The following AP2A2 variants were observed in gnomAD, a reference collection of about 807,000 sequenced individuals.
The protein encoded by AP2A2 is AP-2 complex subunit alpha-2.
In AP2A2, 32 loss-of-function variants were observed where a neutral mutation model predicts 104.2. The observed-to-expected ratio is 0.31, with a 90% CI of 0.23 to 0.41. The LOEUF (loss-of-function observed/expected upper bound fraction) is 0.41. AP2A2 is among the 10% of genes least tolerant of loss of function. The pLI is 1.00. For missense variants in AP2A2, 912 were observed against 1,261.0 expected (o/e 0.72, Z 4.19); for synonymous variants, 539 against 533.3 (o/e 1.01, Z -0.15).
chr11:999,803 CTTTTTT>C (rs71022992), intron 14 of AP2A2, among the ~76,000 whole-genome samples: 9 of 124,698 alleles, frequency 7.2e-5, no homozygotes, highest in African/African-American at 2.6e-4. Flanking sequence ...TTAGTTCTTT[CTTTTTT>C]TTTTTTTTTT....
chr11:1,008,248 G>A lies in AP2A2; in HGVS notation c.2420+113G>A, dbSNP rs116710679. ...TCCTGAGGGGACCCGGGGCGTGCGG[G>A]TGCTCACGGTGCATGGATGCGGCCT... On this transcript the variant is annotated intron_variant, in intron 18 of 21. Transcript: ENST00000448903. 4.1e-4 allele frequency: 563 copies of A among 1,386,802 alleles called. 3 individuals are homozygous for A. The African/African-American group carries it at 7.7e-3, about 19-fold the overall frequency. The allele number at this position is 1,386,802 out of a possible 1,614,324, so 85.9% of individuals were successfully genotyped here.
At chr11:999,788 T>C (rs1372055558) in intron 14 of AP2A2, among the ~76,000 whole-genome samples, 1 of 150,276 alleles carries the variant, frequency 6.7e-6, no homozygotes, top group Non-Finnish European at 1.5e-5. Context: ...GTAACATGCA[T>C]GATCTTAGTT....
rs1854707312 is a variant in AP2A2, at chr11:968,641, T to C, written c.137-1528T>C. Among the ~76,000 whole-genome samples the C allele has an allele frequency of 6.6e-6, 1 of 152,044 alleles. No homozygotes were observed. Among genetic ancestry groups the C allele is most frequent in the African/African-American group, 2.4e-5 (1 of 41,398 alleles). On this transcript the variant is annotated intron_variant, in intron 2 of 21. Transcript: ENST00000448903. The surrounding 1 kb of genome is among the most constrained non-coding windows in gnomAD (Gnocchi z 4.2). ...AGCGGGTGATGGAATCTGGGCTGGG[T>C]AGGAGACACGGTGCTGGGGCTTCCC...
At chr11:963,452 G>C (rs1278235806) in intron 2 of AP2A2, among the ~76,000 whole-genome samples, 1 of 151,936 alleles carries the variant, frequency 6.6e-6, no homozygotes. Flanking sequence ...AAAAAAACAA[G>C]GTACCGAGTT....
chr11:945,370 G>A (rs926213356), intron 1 of AP2A2, among the ~76,000 whole-genome samples: 6 of 152,072 alleles, frequency 3.9e-5, no homozygotes, highest in African/African-American at 9.7e-5. Flanking sequence ...AATCTCTCTC[G>A]TCACCCAGGC....
intron 1 of AP2A2, among the ~76,000 whole-genome samples, chr11:939,241 C>T (rs752785289): frequency 2.4e-3 from 326 of 133,146 alleles, no homozygotes; most frequent in Non-Finnish European, 3.5e-3. Context: ...CAGCAAGACT[C>T]TGTCTCAAAA....
At chr11:949,478 A>AT (rs1853963847) in intron 1 of AP2A2, among the ~76,000 whole-genome samples, 1 of 152,138 alleles carries the variant, frequency 6.6e-6, no homozygotes, top group South Asian at 2.1e-4. Context: ...GCAACAACGT[A>AT]TAAAAAGGAT....
chr11:957,279 T>G (rs1854268267), intron 1 of AP2A2, among the ~76,000 whole-genome samples: 1 of 152,222 alleles, frequency 6.6e-6, no homozygotes, highest in Non-Finnish European at 1.5e-5. Flanking sequence ...ATCTGGACGT[T>G]CCCCAAACCC....
At chr11:931,650 T>C (rs1031018412) in intron 1 of AP2A2, among the ~76,000 whole-genome samples, 2 of 152,074 alleles carry the variant, frequency 1.3e-5, no homozygotes, top group Non-Finnish European at 2.9e-5. Context: ...GGGAAACAGA[T>C]GGAGAGATGT....
At chr11:979,204 C>T (rs544245724) in intron 5 of AP2A2, among the ~76,000 whole-genome samples, 10 of 150,242 alleles carry the variant, frequency 6.7e-5, no homozygotes, top group Non-Finnish European at 1.0e-4. Flanking sequence ...CTGAGCTCCG[C>T]GCCTGTCAGC....
At chr11:965,492 C>T (rs1236644779) in intron 2 of AP2A2, among the ~76,000 whole-genome samples, 1 of 152,192 alleles carries the variant, frequency 6.6e-6, no homozygotes, top group Non-Finnish European at 1.5e-5. Context: ...GTGTGACCAT[C>T]TGATGTGTGG....
chr11:993,679 TC>T lies in AP2A2; in HGVS notation c.1551-66del, dbSNP rs144840661. 0.04 allele frequency: 44,555 copies of T among 1,110,960 alleles called. 1,971 individuals are homozygous for T. Among genetic ancestry groups the T allele is most frequent in the African/African-American group, 0.2 (12,653 of 63,772 alleles). 68.8% of individuals were successfully genotyped at this position (1,110,960 alleles called of 1,614,324 possible). A position where few individuals can be genotyped will look rare whatever the true frequency, so the allele number is the denominator to read the frequency against. On this transcript the variant is annotated intron_variant, in intron 12 of 21. Coordinates refer to ENST00000448903, the MANE Select transcript of AP2A2 (RefSeq NM_012305.4). The surrounding 1 kb of genome is among the most constrained non-coding windows in gnomAD (Gnocchi z 8.2). ...TGCAGGCCAGGGGGTCTCGCCGCCG[TC>T]CCCCCCCCGCGGGGGCGTGCTGCAG...
At position 972,145 on chromosome 11, in the gene AP2A2, C is replaced by T. The variant is rs1444419238; in HGVS notation, c.363C>T (p.Ala121=). The T allele has an allele frequency of 8.1e-6, 13 of 1,613,594 alleles. No individual in the cohort carries two copies. Among genetic ancestry groups the T allele is most frequent in the South Asian group, 1.1e-5 (1 of 91,038 alleles). ...LINNAIKNDL[A]SRNPTFMGLA... ...ACAACGCCATCAAGAATGACCTGGCCAGCCGCAACCCCACCTTCATGGGCC... is the reference window on the plus strand; with the variant it reads ...ACAACGCCATCAAGAATGACCTGGCTAGCCGCAACCCCACCTTCATGGGCC... Residue 121 remains alanine, a synonymous_variant, in exon 4 of 22, where the codon GCC becomes GCT. Coordinates refer to ENST00000448903, the MANE Select transcript of AP2A2 (RefSeq NM_012305.4).
At chr11:952,970 G>T (rs1465925400) in intron 1 of AP2A2, among the ~76,000 whole-genome samples, 1 of 152,206 alleles carries the variant, frequency 6.6e-6, no homozygotes, top group Non-Finnish European at 1.5e-5. Context: ...TCCTTTACAG[G>T]AGAGCCCCTG....
intron 17 of AP2A2, chr11:1,007,671 TTTCCTGCCCTAC>T (rs1214751862): frequency 8.5e-6 from 3 of 351,870 alleles, no homozygotes; most frequent in Non-Finnish European, 1.6e-5. Flanking sequence ...TTCTTAAAGT[TTTCCTGCCCTAC>T]TAAGCACCAG....
At chr11:966,262 G>A (rs1854614006) in intron 2 of AP2A2, among the ~76,000 whole-genome samples, 1 of 152,218 alleles carries the variant, frequency 6.6e-6, no homozygotes, top group Non-Finnish European at 1.5e-5. Context: ...GGAGGCCGAG[G>A]CAGGCAGATC....
In AP2A2 at chr11:993,732, T is replaced by C; in HGVS notation, c.1551-22T>C. ...CTGCGAGGGGACGACGGTGTCCCTG[T>C]GTTGTGCCTCCCCGTCCCCAGCCCG... On this transcript the variant is annotated intron_variant, in intron 12 of 21. Transcript: ENST00000448903. The surrounding 1 kb of genome is among the most constrained non-coding windows in gnomAD (Gnocchi z 8.2). The C allele has an allele frequency of 6.4e-7, 1 of 1,550,752 alleles. No homozygotes were observed. The highest frequency in any genetic ancestry group is 8.7e-7 in the Non-Finnish European group (1 of 1,146,040).
chr11:1,010,401 T>TCCAC, intron 21 of AP2A2, 147 bp from the exon 22 acceptor site: 2 of 635,910 alleles, frequency 3.1e-6, no homozygotes, highest in Non-Finnish European at 5.6e-6. Context: ...TGACAGTGTG[T>TCCAC]GTGGTGCTCA....
chr11:953,724 C>G lies in AP2A2; in HGVS notation c.68-5713C>G, dbSNP rs1174248859. Among the ~76,000 whole-genome samples, 6 of 152,118 alleles carry G rather than the reference C, an allele frequency of 3.9e-5. No homozygotes were observed. In the East Asian group the frequency reaches 1.2e-3, roughly 29 times the overall value. On this transcript the variant is annotated intron_variant, in intron 1 of 21. Coordinates refer to ENST00000448903, the MANE Select transcript of AP2A2 (RefSeq NM_012305.4). ...AGTAGGGGCGCTGGGCCAGGTCACT[C>G]CATCCCTGGTTCTTGCATCATGCTC...
Sources: allele counts gnomAD v4.1 joint callset (sites outside exome capture counted in the v4.1 genomes callset), GRCh38; gene constraint gnomAD v4.1.1; non-coding constraint Gnocchi (gnomAD v3.1); transcripts MANE v1.5; gene names NCBI Gene and HGNC (gene_info 2026-07-23, HGNC 2026-07-21).